Variants in PDIA2 observed in about 807,000 individuals in gnomAD.
The protein encoded by PDIA2 is protein disulfide-isomerase A2.
PDIA2 carries 76 observed loss-of-function variants against 51.1 expected under a neutral mutation model. That is an observed-to-expected ratio of 1.49 (90% confidence interval 1.24 to 1.80). PDIA2 has a LOEUF of 1.80. PDIA2 is among the 40% of genes most tolerant of loss of function. PDIA2 has a pLI of 0.00. For missense variants in PDIA2, 946 were observed against 706.5 expected, an observed-to-expected ratio of 1.34 and a Z score of -3.84; for synonymous variants, 429 against 309.9, an observed-to-expected ratio of 1.38 and a Z score of -4.04.
In PDIA2 at chr16:285,307, T is replaced by C; in HGVS notation, c.796-5T>C. The C allele has an allele frequency of 6.2e-7, 1 of 1,612,802 alleles. No individual in the cohort carries two copies. Among genetic ancestry groups the C allele is most frequent in the African/African-American group, 1.3e-5 (1 of 74,954 alleles). The stretch of plus-strand genomic sequence containing the variant: ...GTGGAGTCATGAGCACCCTCCCTAC[T>C]GTAGACGTCTGCCAAGATCTTCGCG... On this transcript the variant is annotated splice_polypyrimidine_tract_variant and splice_region_variant and intron_variant, in intron 5 of 10. Transcript: ENST00000219406.
In PDIA2 at chr16:284,499, G is replaced by A. The variant is rs769593376; in HGVS notation, c.312G>A (p.Ala104=). 7.3e-5 allele frequency: 118 copies of A among 1,610,916 alleles called. No homozygotes were observed. The highest frequency in any genetic ancestry group is 9.0e-5 in the Non-Finnish European group (106 of 1,179,146). ...VVTLAKVDGP[A]QRELAEEFGV... is the part of the protein sequence containing the mutation. ...CGCTGGCCAAGGTGGATGGGCCCGC[G>A]CAGCGCGAGCTGGCTGAGGAGTTTG... Residue 104 remains alanine (A), a synonymous_variant, in exon 2 of 11, where the codon GCG becomes GCA. Transcript: ENST00000219406.
At chr16:285,266 C>A in intron 5 of PDIA2, 46 bp from the exon 6 acceptor site, 4 of 1,612,028 alleles carry the variant, frequency 2.5e-6, no homozygotes, top group Non-Finnish European at 3.4e-6. Flanking sequence ...ATGGGGGTGC[C>A]TAGGCTGGGG....
chr16:287,105 G>T lies in PDIA2; in HGVS notation c.1570G>T (p.Glu524Ter). 1 of 1,612,788 alleles carries T rather than the reference G, an allele frequency of 6.2e-7. No individual in the cohort carries two copies. ...PANSTMGSKE[E>*]L ...CAACTCCACTATGGGGTCCAAGGAG[G>T]AACTGTAGCTGCCCCCGTGTCACCC... Residue 524 changes from glutamate to a stop codon, truncating the protein, a stop_gained, in exon 11 of 11, where the codon GAA (glutamate) becomes TAA (stop). Coordinates refer to ENST00000219406, the MANE Select transcript of PDIA2 (RefSeq NM_006849.4). LOFTEE classifies it high-confidence loss of function.
At chr16:285,770 G>A (rs1596944650) in intron 7 of PDIA2, 67 bp downstream of exon 7, 2 of 1,524,550 alleles carry the variant, frequency 1.3e-6, no homozygotes, top group Non-Finnish European at 1.8e-6. Context: ...GGCAGGGGGT[G>A]GGAACAGCAG....
intron 7 of PDIA2, among the ~76,000 whole-genome samples, 171 bp from the exon 8 acceptor site, chr16:286,182 C>A (rs539428631): frequency 3.1e-5 from 1 of 32,502 alleles, no homozygotes; most frequent in Non-Finnish European, 6.5e-5. Flanking sequence ...ATCTCCCCCC[C>A]ACCTGCCCCC....
intron 7 of PDIA2, 44 bp from the exon 8 acceptor site, chr16:286,309 C>T (rs868816828): frequency 6.4e-7 from 1 of 1,563,198 alleles, no homozygotes; most frequent in Middle Eastern, 2.0e-4. Context: ...CTCCTGAACC[C>T]TGCAGAGGAC....
rs372266436 is a variant in PDIA2, at chr16:284,393, C to A, written c.206C>A (p.Pro69Gln). 1 of 1,557,176 alleles carries A rather than the reference C, an allele frequency of 6.4e-7. No homozygotes were observed. The highest frequency in any genetic ancestry group is 8.6e-7 in the Non-Finnish European group (1 of 1,157,160). ...HPALLVEFYA[P>Q]WCGHCQALAP... ...TCACGGCCCCATCCCCCAGATGCCC[C>A]GTGGTGTGGGCACTGCCAGGCCCTG... Residue 69 changes from proline to glutamine, a missense_variant, in exon 2 of 11, where the codon CCG becomes CAG. By Grantham distance (76) the Pro-to-Gln change is moderately conservative. Coordinates refer to ENST00000219406, the MANE Select transcript of PDIA2 (RefSeq NM_006849.4).
At chr16:283,766 C>T (rs2052317184) in intron 1 of PDIA2, among the ~76,000 whole-genome samples, 1 of 152,198 alleles carries the variant, frequency 6.6e-6, no homozygotes, top group South Asian at 2.1e-4. Context: ...TTTCGCAACC[C>T]TTGACACACA....
At position 285,410 on chromosome 16, in the gene PDIA2, G is replaced by A. The variant is rs1407935449; in HGVS notation, c.894G>A (p.Gly298=). The A allele has an allele frequency of 1.2e-6, 2 of 1,611,858 alleles. No homozygotes were observed. Among genetic ancestry groups the A allele is most frequent in the Admixed American group, 1.7e-5 (1 of 59,944 alleles). The stretch of plus-strand genomic sequence containing the variant: ...ACCGGGAGCTCCTAGCGGGCTTTGG[G>A]GAGGCAGCTCCCCGCTTCCGGGGGC... ...AAHRELLAGF[G]EAAPRFRGQV... is the part of the protein sequence containing the mutation. The change falls in exon 6 of 11, where the codon GGG becomes GGA. Residue 298 remains glycine (G), a synonymous_variant. Transcript: ENST00000219406.
rs756805133 is a variant in PDIA2, at chr16:284,536, T to G, written c.349T>G (p.Tyr117Asp). 3.7e-6 allele frequency: 6 copies of G among 1,612,512 alleles called. No homozygotes were observed. The highest frequency in any genetic ancestry group is 1.1e-5 in the South Asian group (1 of 90,860). The stretch of plus-strand genomic sequence containing the variant: ...GGCTGAGGAGTTTGGTGTGACGGAG[T>G]ACCCTACGCTCAAGTTCTTCCGCAA... Reference protein sequence around the residue: ...ELAEEFGVTEYPTLKFFRNGN... With the variant: ...ELAEEFGVTEDPTLKFFRNGN... Residue 117 changes from tyrosine to aspartate, a missense_variant, in exon 2 of 11, where the codon TAC becomes GAC. Coordinates refer to ENST00000219406, the MANE Select transcript of PDIA2 (RefSeq NM_006849.4).
chr16:286,038 CTCCCAA>C (rs1383057528), intron 7 of PDIA2, among the ~76,000 whole-genome samples: 1 of 132,650 alleles, frequency 7.5e-6, no homozygotes, highest in Non-Finnish European at 1.6e-5. Flanking sequence ...CCCCGCGGTT[CTCCCAA>C]CCCCAACCTC....
chr16:284,877 G>T lies in PDIA2; in HGVS notation c.541-1G>T, dbSNP rs900495972. On this transcript the variant is annotated splice_acceptor_variant, in intron 3 of 10. Transcript: ENST00000219406. LOFTEE classifies it high-confidence loss of function. ...TGGCCTCACAGGGCCAGGCCCCTCAGGACCTGCAGGACGAGGACGTGGCCA... is the reference window on the plus strand; with the variant it reads ...TGGCCTCACAGGGCCAGGCCCCTCATGACCTGCAGGACGAGGACGTGGCCA... 1 of 1,612,342 alleles carries T rather than the reference G, an allele frequency of 6.2e-7. No homozygotes were observed. Among genetic ancestry groups the T allele is most frequent in the Non-Finnish European group, 8.5e-7 (1 of 1,179,608 alleles).
In PDIA2 at chr16:287,158, C is replaced by G. The variant is rs771759781; in HGVS notation, c.*45C>G. The G allele has an allele frequency of 4.7e-5, 75 of 1,609,216 alleles. No homozygotes were observed. Among genetic ancestry groups the G allele is most frequent in the South Asian group, 2.1e-4 (19 of 91,006 alleles). ...GCCATCACTGCTGGACAGGAGCCACCCCCTTGGGTACCAGAGGGAGCTGTG... is the reference window on the plus strand; with the variant it reads ...GCCATCACTGCTGGACAGGAGCCACGCCCTTGGGTACCAGAGGGAGCTGTG... On this transcript the variant is annotated 3_prime_UTR_variant, in exon 11 of 11. Transcript: ENST00000219406.
In PDIA2 at chr16:285,303, C is replaced by G; in HGVS notation, c.796-9C>G. 1 of 1,612,822 alleles carries G rather than the reference C, an allele frequency of 6.2e-7. No individual in the cohort carries two copies. The highest frequency in any genetic ancestry group is 8.5e-7 in the Non-Finnish European group (1 of 1,179,866). ...TCCTGTGGAGTCATGAGCACCCTCCCTACTGTAGACGTCTGCCAAGATCTT... is the reference window on the plus strand; with the variant it reads ...TCCTGTGGAGTCATGAGCACCCTCCGTACTGTAGACGTCTGCCAAGATCTT... On this transcript the variant is annotated splice_polypyrimidine_tract_variant and intron_variant, in intron 5 of 10. Transcript: ENST00000219406.
In PDIA2 at chr16:285,097, G is replaced by GGGCAGACTTCCCCGTGGACGAGGAGCT. The variant is rs775903471; in HGVS notation, c.693_719dup (p.Ala232_Leu240dup). On this transcript the variant is annotated inframe_insertion, in exon 5 of 11. Transcript: ENST00000219406. ...GCTGCTGTCCAGTTTGATGAGGGGC[G>GGGCAGACTTCCCCGTGGACGAGGAGCT]GGCAGACTTCCCCGTGGACGAGGAG... 172 of 1,613,016 alleles carry GGGCAGACTTCCCCGTGGACGAGGAGCT rather than the reference G, an allele frequency of 1.1e-4. No individual in the cohort carries two copies. Among genetic ancestry groups the GGGCAGACTTCCCCGTGGACGAGGAGCT allele is most frequent in the Admixed American group, 3.0e-4 (18 of 60,020 alleles).
rs111858779 is a variant in PDIA2 at position 283,259 on chromosome 16, G to A, written c.90G>A (p.Ser30=). Residue 30 remains serine (S), a synonymous_variant, in exon 1 of 11, where the codon TCG becomes TCA. Coordinates refer to ENST00000219406, the MANE Select transcript of PDIA2 (RefSeq NM_006849.4). ...WGQEQGARSP[S]EEPPEEEIPK... is the part of the protein sequence containing the mutation. The stretch of plus-strand genomic sequence containing the variant: ...AGGAACAGGGAGCGAGGAGCCCCTC[G>A]GAGGAGCCTCCAGAGGAGGAAATCC... 2.7e-4 allele frequency: 433 copies of A among 1,610,694 alleles called. 1 individual carries two copies. In the African/African-American group the frequency reaches 3.7e-3, roughly 14 times the overall value.
chr16:284,505 C>T lies in PDIA2; in HGVS notation c.318C>T (p.Arg106=), dbSNP rs569167692. 237 of 1,611,448 alleles carry T rather than the reference C, an allele frequency of 1.5e-4. No homozygotes were observed. The highest frequency in any genetic ancestry group is 1.8e-4 in the Non-Finnish European group (213 of 1,179,378). The change falls in exon 2 of 11, where the codon CGC becomes CGT. Residue 106 remains arginine (R), a synonymous_variant. Coordinates refer to ENST00000219406, the MANE Select transcript of PDIA2 (RefSeq NM_006849.4). ...TLAKVDGPAQ[R]ELAEEFGVTE... ...CCAAGGTGGATGGGCCCGCGCAGCG[C>T]GAGCTGGCTGAGGAGTTTGGTGTGA...
intron 5 of PDIA2, 23 bp from the exon 6 acceptor site, chr16:285,289 C>T (rs755571875): frequency 2.5e-6 from 4 of 1,612,300 alleles, no homozygotes; most frequent in Non-Finnish European, 3.4e-6. Context: ...CCTGTGGAGT[C>T]ATGAGCACCC....
chr16:283,624 C>T lies in PDIA2; in HGVS notation c.199+256C>T, dbSNP rs370454849. 1.8e-4 allele frequency among the ~76,000 whole-genome samples: 28 copies of T among 152,348 alleles called. No homozygotes were observed. The East Asian group carries it at 4.2e-3, about 23-fold the overall frequency. On this transcript the variant is annotated intron_variant, in intron 1 of 10. Transcript: ENST00000219406. ...TGCCTCCCTGCTCGGCCAGCGGCCA[C>T]GGTGCCAGAGTCACCACCTTGCCGG...
Sources: allele counts gnomAD v4.1 joint callset (sites outside exome capture counted in the v4.1 genomes callset), GRCh38; gene constraint gnomAD v4.1.1; transcripts MANE v1.5; gene names NCBI Gene and HGNC (gene_info 2026-07-23, HGNC 2026-07-21).